LPGAT1: variants seen among roughly 807,000 people sequenced by gnomAD.
LPGAT1 encodes lysophosphatidylglycerol acyltransferase 1.
In LPGAT1, 11 loss-of-function variants were observed where a neutral mutation model predicts 47.5. That is an observed-to-expected ratio of 0.23 (90% confidence interval 0.15 to 0.38). The LOEUF (loss-of-function observed/expected upper bound fraction) is 0.38, where lower values mean the gene tolerates loss of function less well. Among genes scored for constraint, LPGAT1 ranks in the 10% least tolerant of loss-of-function variants. The pLI is 1.00. For missense variants in LPGAT1, 293 were observed against 439.0 expected, an observed-to-expected ratio of 0.67 and a Z score of 2.97; for synonymous variants, 138 against 144.2, an observed-to-expected ratio of 0.96 and a Z score of 0.31.
chr1:211,761,157 C>T (rs1657682741), intron 6 of LPGAT1, among the ~76,000 whole-genome samples: 1 of 152,128 alleles, frequency 6.6e-6, no homozygotes, highest in Non-Finnish European at 1.5e-5. Context: ...AAGGCTTATG[C>T]ATGCCACCAC....
chr1:211,802,445 T>C (rs147830701), intron 2 of LPGAT1, among the ~76,000 whole-genome samples: 5 of 151,264 alleles, frequency 3.3e-5, no homozygotes, highest in Non-Finnish European at 5.9e-5. Flanking sequence ...AAAAGAAAAC[T>C]TCAAGAGACC....
At position 211,787,780 on chromosome 1, in the gene LPGAT1, G is replaced by A. The variant is rs995808595; in HGVS notation, c.358-53C>T. The A allele has an allele frequency of 2.5e-5, 26 of 1,052,558 alleles. No individual in the cohort carries two copies. The East Asian group carries it at 6.2e-4, about 25-fold the overall frequency. 65.2% of individuals were successfully genotyped at this position (1,052,558 alleles called of 1,614,324 possible). A position where few individuals can be genotyped will look rare whatever the true frequency, so the allele number is the denominator to read the frequency against. ...ATTGGATAGAAGAAACCTGACTATAGTTGAGCTGAGTCTCCAAGCTTTAAA... is the reference window on the plus strand; with the variant it reads ...ATTGGATAGAAGAAACCTGACTATAATTGAGCTGAGTCTCCAAGCTTTAAA... On this transcript the variant is annotated intron_variant, in intron 3 of 7. Coordinates refer to ENST00000366997, the MANE Select transcript of LPGAT1 (RefSeq NM_014873.3).
chr1:211,769,869 A>T (rs1658091921), intron 6 of LPGAT1, among the ~76,000 whole-genome samples: 2 of 152,084 alleles, frequency 1.3e-5, no homozygotes, highest in African/African-American at 4.8e-5. Context: ...CTTGTGCCAT[A>T]ACCTCTTATC....
chr1:211,774,130 G>GTTTTTTTTT (rs1158580879), intron 6 of LPGAT1, among the ~76,000 whole-genome samples: 17 of 14,652 alleles, frequency 1.2e-3, no homozygotes, highest in South Asian at 4.9e-3. Flanking sequence ...TTTTTTAAAA[G>GTTTTTTTTT]TCTTTTTTTT....
chr1:211,791,851 A>G (rs1301807039), intron 3 of LPGAT1, among the ~76,000 whole-genome samples: 1 of 151,344 alleles, frequency 6.6e-6, no homozygotes, highest in Non-Finnish European at 1.5e-5. Flanking sequence ...CACCTTGATA[A>G]GATGAATTGT....
chr1:211,779,320 G>A (rs545755716), intron 5 of LPGAT1, among the ~76,000 whole-genome samples: 1 of 151,958 alleles, frequency 6.6e-6, no homozygotes, highest in African/African-American at 2.4e-5. Context: ...CACTATGAAG[G>A]TCTAATTTAT....
intron 6 of LPGAT1, among the ~76,000 whole-genome samples, chr1:211,773,594 G>T (rs115638592): frequency 3.4e-4 from 51 of 152,236 alleles, no homozygotes; most frequent in African/African-American, 9.1e-4. Context: ...CACAAGGATC[G>T]TTTTCTCTAA....
At chr1:211,751,514 G>A (rs1325894788) in intron 6 of LPGAT1, among the ~76,000 whole-genome samples, 1 of 152,120 alleles carries the variant, frequency 6.6e-6, no homozygotes, top group African/African-American at 2.4e-5. Context: ...CAGAGACTCT[G>A]CCCAAATCGG....
At chr1:211,824,516 A>AG (rs1208951396) in intron 2 of LPGAT1, among the ~76,000 whole-genome samples, 1 of 152,206 alleles carries the variant, frequency 6.6e-6, no homozygotes, top group African/African-American at 2.4e-5. Context: ...AGAGTAGGTA[A>AG]GGATCTCACC....
At chr1:211,829,482 G>A in intron 1 of LPGAT1, 159 bp from the exon 2 acceptor site, 1 of 1,436,692 alleles carries the variant, frequency 7.0e-7, no homozygotes, top group Non-Finnish European at 9.1e-7. Context: ...TTCCAGAGGG[G>A]GACAGAGAGC....
chr1:211,745,497 T>C lies in LPGAT1; in HGVS notation c.*4402A>G, dbSNP rs1656907104. ...AATAAAAATAAAGCCATTCAAGATA[T>C]GTGTGCATACTTTGCAACTAGAATA... On this transcript the variant is annotated 3_prime_UTR_variant, in exon 8 of 8. Coordinates refer to ENST00000366997, the MANE Select transcript of LPGAT1 (RefSeq NM_014873.3). 1.3e-5 allele frequency: 2 copies of C among 152,212 alleles called. No individual in the cohort carries two copies. The highest frequency in any genetic ancestry group is 2.1e-4 in the South Asian group (1 of 4,832). 9.4% of individuals were successfully genotyped at this position (152,212 alleles called of 1,614,324 possible). A position where few individuals can be genotyped will look rare whatever the true frequency, so the allele number is the denominator to read the frequency against.
At chr1:211,803,768 T>C (rs888810858) in intron 2 of LPGAT1, among the ~76,000 whole-genome samples, 17 of 150,518 alleles carry the variant, frequency 1.1e-4, no homozygotes, top group Non-Finnish European at 1.9e-4. Flanking sequence ...TTCTTTCTTT[T>C]TTTTTTTTTT....
intron 6 of LPGAT1, among the ~76,000 whole-genome samples, chr1:211,774,854 T>C (rs1658331561): frequency 6.6e-6 from 1 of 152,238 alleles, no homozygotes; most frequent in Non-Finnish European, 1.5e-5. Flanking sequence ...TAAAATAAGT[T>C]ATTACATTCT....
chr1:211,765,162 G>C (rs560475690), intron 6 of LPGAT1, among the ~76,000 whole-genome samples: 1 of 152,078 alleles, frequency 6.6e-6, no homozygotes, highest in African/African-American at 2.4e-5. Context: ...TGTGTCTAAC[G>C]ATGTTTTTAA....
chr1:211,780,188 A>G (rs1393190014), intron 5 of LPGAT1, among the ~76,000 whole-genome samples: 1 of 152,216 alleles, frequency 6.6e-6, no homozygotes, highest in African/African-American at 2.4e-5. Flanking sequence ...AAAAAGATAA[A>G]ATACATAAAA....
chr1:211,800,437 T>C (rs1394988687), intron 2 of LPGAT1, among the ~76,000 whole-genome samples: 1 of 152,170 alleles, frequency 6.6e-6, no homozygotes, highest in African/African-American at 2.4e-5. Flanking sequence ...AACAAATCTT[T>C]AGAATTCCAA....
At chr1:211,829,345 C>G in intron 1 of LPGAT1, 22 bp from the exon 2 acceptor site, 1 of 1,607,068 alleles carries the variant, frequency 6.2e-7, no homozygotes, top group Non-Finnish European at 8.5e-7. Context: ...GAAAAATTCA[C>G]TTAAAAAGGA....
chr1:211,781,881 G>A (rs886396685), intron 5 of LPGAT1, among the ~76,000 whole-genome samples: 2 of 152,126 alleles, frequency 1.3e-5, no homozygotes, highest in Non-Finnish European at 2.9e-5. Context: ...CAGACTATCT[G>A]CAAGATAGTT....
chr1:211,761,842 CAT>C (rs1657711083), intron 6 of LPGAT1, among the ~76,000 whole-genome samples: 2 of 152,164 alleles, frequency 1.3e-5, no homozygotes, highest in African/African-American at 4.8e-5. Flanking sequence ...TGTGTTTGTT[CAT>C]AGTTACTACT....
Sources: allele counts gnomAD v4.1 joint callset (sites outside exome capture counted in the v4.1 genomes callset), GRCh38; gene constraint gnomAD v4.1.1; transcripts MANE v1.5; gene names NCBI Gene and HGNC (gene_info 2026-07-23, HGNC 2026-07-21).